KCNQ2: variants seen among roughly 807,000 people sequenced by gnomAD.
KCNQ2 encodes the protein potassium voltage-gated channel subfamily KQT member 2.
A neutral mutation model predicts 84.8 loss-of-function variants in KCNQ2; 14 were observed. That is an observed-to-expected ratio of 0.17 (90% CI 0.11 to 0.26). The LOEUF is 0.26. Among genes scored for constraint, KCNQ2 ranks in the 10% least tolerant of loss-of-function variants. The probability of loss-of-function intolerance (pLI) is 1.00; values close to 1 mark genes in which losing one functional copy is unlikely to be tolerated. For synonymous variants in KCNQ2, 599 were observed against 554.1 expected (o/e 1.08, Z -1.14); for missense variants, 788 against 1,254.0 (o/e 0.63, Z 5.61).
At chr20:63,454,328 CTTTTG>C (rs977662495) in intron 1 of KCNQ2, among the ~76,000 whole-genome samples, 21 of 152,306 alleles carry the variant, frequency 1.4e-4, no homozygotes, top group Non-Finnish European at 1.9e-4. Flanking sequence ...ACAGCTCCGA[CTTTTG>C]TTTTTTAAGT....
Position 63,472,575 on chromosome 20 carries a change from C to A in KCNQ2, c.-112G>T. ...CCGGCCGGGAGCCGCATGGCCGAGG[C>A]GGCGGTTCCGCACTCCTGCCGGGCT... On this transcript the variant is annotated 5_prime_UTR_variant, in exon 1 of 17. Transcript: ENST00000359125. 2 of 963,714 alleles carry A rather than the reference C, an allele frequency of 2.1e-6. No homozygotes were observed. The highest frequency in any genetic ancestry group is 1.3e-6 in the Non-Finnish European group (1 of 762,570). 59.7% of individuals were successfully genotyped at this position (963,714 alleles called of 1,614,324 possible).
In KCNQ2 at chr20:63,417,295, C is replaced by CT. The variant is rs573411334; in HGVS notation, c.1302-2170dup. On this transcript the variant is annotated intron_variant, in intron 12 of 16. Coordinates refer to ENST00000359125, the MANE Select transcript of KCNQ2 (RefSeq NM_172107.4). The stretch of plus-strand genomic sequence containing the variant: ...GGGACTCCTGGAATGTTCTCTCTTT[C>CT]TCCACCGCACGAGCCATTTCAAAGG... 1.2e-4 allele frequency among the ~76,000 whole-genome samples: 19 copies of CT among 152,336 alleles called. No individual in the cohort carries two copies. In the South Asian group the frequency reaches 3.9e-3, roughly 32 times the overall value.
chr20:63,408,637 G>C lies in KCNQ2; in HGVS notation c.1764-101C>G. 1.3e-6 allele frequency: 2 copies of C among 1,535,768 alleles called. No homozygotes were observed. The highest frequency in any genetic ancestry group is 2.4e-5 in the South Asian group (2 of 84,208). On this transcript the variant is annotated intron_variant, in intron 15 of 16. Coordinates refer to ENST00000359125, the MANE Select transcript of KCNQ2 (RefSeq NM_172107.4). The surrounding 1 kb of genome is among the most constrained non-coding windows in gnomAD (Gnocchi z 5.0). ...GCCACAGTGCCCCTGGGTCTAGGCT[G>C]CAGGCTCAGCCCAGAGCCGACCAGG...
chr20:63,452,865 G>A (rs887688225), intron 1 of KCNQ2, among the ~76,000 whole-genome samples: 3 of 151,288 alleles, frequency 2.0e-5, no homozygotes, highest in African/African-American at 7.3e-5. Flanking sequence ...AGGCCAGCCA[G>A]AATGCCTCAG....
At chr20:63,462,241 G>T (rs555842734) in intron 1 of KCNQ2, among the ~76,000 whole-genome samples, 10 of 145,288 alleles carry the variant, frequency 6.9e-5, no homozygotes, top group African/African-American at 2.6e-4. Context: ...CAGGCAGCAG[G>T]GAGGAGGCAG....
chr20:63,472,336 G>A lies in KCNQ2; in HGVS notation c.128C>T (p.Ala43Val), dbSNP rs749554385. Residue 43 changes from alanine to valine, a missense_variant, in exon 1 of 17, where the codon GCC (alanine) becomes GTC (valine). Around this residue, in one of 8 missense-constraint regions of KCNQ2, gnomAD observed 106 missense variants for 214.8 expected, o/e 0.49. Coordinates refer to ENST00000359125, the MANE Select transcript of KCNQ2 (RefSeq NM_172107.4). ...DSTRDGALLI[A>V]GSEAPKRGSI... ...GCCGCGCTTGGGGGCCTCGGAGCCGGCGATCAGCAGCGCCCCGTCCCGGGT... is the reference window on the plus strand; with the variant it reads ...GCCGCGCTTGGGGGCCTCGGAGCCGACGATCAGCAGCGCCCCGTCCCGGGT... 96 of 1,536,736 alleles carry A rather than the reference G, an allele frequency of 6.2e-5. No homozygotes were observed. In the South Asian group the frequency reaches 6.5e-4, roughly 10 times the overall value.
chr20:63,447,742 G>A (rs897491621), intron 1 of KCNQ2, among the ~76,000 whole-genome samples: 3 of 152,146 alleles, frequency 2.0e-5, no homozygotes, highest in Admixed American at 2.0e-4. Context: ...TTACAGGCAT[G>A]TGCCACCACA....
intron 15 of KCNQ2, chr20:63,411,138 G>A (rs1299287470): frequency 3.8e-5 from 15 of 396,380 alleles, no homozygotes; most frequent in East Asian, 1.5e-4. Context: ...AGCCAGCACC[G>A]GAGCTGCTGG....
In KCNQ2 at chr20:63,440,963, T is replaced by C. The variant is rs535807251; in HGVS notation, c.817-1255A>G. Among the ~76,000 whole-genome samples the C allele has an allele frequency of 8.1e-5, 12 of 148,876 alleles. No individual in the cohort carries two copies. The South Asian group carries it at 1.5e-3, about 19-fold the overall frequency. On this transcript the variant is annotated intron_variant, in intron 5 of 16. Coordinates refer to ENST00000359125, the MANE Select transcript of KCNQ2 (RefSeq NM_172107.4). ...TCGTTACCAAAGGAGGCGTGGTTTT[T>C]TGTTTGTTTGTTTGTTTGTTTTGAG...
intron 9 of KCNQ2, among the ~76,000 whole-genome samples, chr20:63,430,677 G>A (rs1459755015): frequency 1.3e-5 from 2 of 152,358 alleles, no homozygotes; most frequent in East Asian, 1.9e-4. Flanking sequence ...TGAACAAACA[G>A]CCTTGTTTCC....
At chr20:63,442,686 TCAC>T (rs1568933748) in intron 4 of KCNQ2, among the ~76,000 whole-genome samples, 155 bp from the exon 5 acceptor site, 1 of 17,128 alleles carries the variant, frequency 5.8e-5, no homozygotes, top group Non-Finnish European at 1.2e-4. Flanking sequence ...ACCACCACCA[TCAC>T]CATCACCACC....
chr20:63,421,941 G>A (rs575228681), intron 11 of KCNQ2, among the ~76,000 whole-genome samples: 342 of 152,236 alleles, frequency 2.2e-3, no homozygotes, highest in African/African-American at 7.5e-3. Context: ...TACGGGAACC[G>A]AGCCCCCGCC....
intron 1 of KCNQ2, among the ~76,000 whole-genome samples, chr20:63,469,973 C>A (rs1429022258): frequency 6.6e-6 from 1 of 152,244 alleles, no homozygotes. Context: ...ACAGAGGGCA[C>A]TGGGCCGGCC....
rs759338332 is a variant in KCNQ2 at position 63,414,951 on chromosome 20, G to A, written c.1477C>T (p.Arg493Cys). 10 of 1,612,554 alleles carry A rather than the reference G, an allele frequency of 6.2e-6. No homozygotes were observed. Among genetic ancestry groups the A allele is most frequent in the Admixed American group, 1.7e-5 (1 of 60,028 alleles). Residue 493 changes from arginine to cysteine, a missense_variant, in exon 13 of 17, where the codon CGC becomes TGC. This residue lies in a region of KCNQ2 where 202 missense variants were observed against 239.4 expected (regional missense o/e 0.84). Coordinates refer to ENST00000359125, the MANE Select transcript of KCNQ2 (RefSeq NM_172107.4). This position sits in a 1 kb window ranked among gnomAD's most constrained non-coding sequence, Gnocchi z 6.6. ...GCACCCTTGATGCGGAAAGCCTGGC[G>A]TGCCCGGCTGCGGTCCCCGAAGCTC... ...SWSFGDRSRARQAFRIKGAAS... is the reference protein window; with the variant it reads ...SWSFGDRSRACQAFRIKGAAS...
intron 1 of KCNQ2, among the ~76,000 whole-genome samples, chr20:63,466,188 A>G (rs2082076818): frequency 6.6e-6 from 1 of 152,164 alleles, no homozygotes; most frequent in Admixed American, 6.5e-5. Flanking sequence ...CCTTCGTTCC[A>G]AGTGAACAGC....
In KCNQ2 at chr20:63,444,794, G is replaced by C. The variant is rs182946332; in HGVS notation, c.555C>G (p.Ala185=). The C allele has an allele frequency of 1.9e-6, 3 of 1,607,806 alleles. No homozygotes were observed. Among genetic ancestry groups the C allele is most frequent in the South Asian group, 1.1e-5 (1 of 89,954 alleles). The stretch of plus-strand genomic sequence containing the variant: ...TGGCAAAGACGTTGCCCTGGGAGCC[G>C]GCGGCCAGCACCGCAATGGAGGCGA... ...VLIASIAVLA[A]GSQGNVFATS... Residue 185 remains alanine, a synonymous_variant, in exon 4 of 17, where the codon GCC becomes GCG. Coordinates refer to ENST00000359125, the MANE Select transcript of KCNQ2 (RefSeq NM_172107.4).
chr20:63,446,895 T>G lies in KCNQ2; in HGVS notation c.297-58A>C, dbSNP rs899134872. 6.8e-7 allele frequency: 1 copy of G among 1,477,036 alleles called. No homozygotes were observed. Among genetic ancestry groups the G allele is most frequent in the Non-Finnish European group, 9.5e-7 (1 of 1,056,382 alleles). The allele number at this position is 1,477,036 out of a possible 1,614,324, so 91.5% of individuals were successfully genotyped here. ...CCGCAGCAGGGCAGCAGCATGGCTG[T>G]GTCTCCAGAACTCAGGACCCCACTC... On this transcript the variant is annotated intron_variant, in intron 1 of 16. Coordinates refer to ENST00000359125, the MANE Select transcript of KCNQ2 (RefSeq NM_172107.4). The surrounding 1 kb of genome is among the most constrained non-coding windows in gnomAD (Gnocchi z 5.5).
At chr20:63,461,036 G>A (rs1331488113) in intron 1 of KCNQ2, 1 of 152,254 alleles carries the variant, frequency 6.6e-6, no homozygotes, top group Non-Finnish European at 1.5e-5. Flanking sequence ...GCACAGGCGG[G>A]CGCAGACACC....
chr20:63,417,227 G>A (rs936162114), intron 12 of KCNQ2, among the ~76,000 whole-genome samples: 6 of 152,158 alleles, frequency 3.9e-5, no homozygotes, highest in African/African-American at 1.4e-4. Context: ...TGGTCGGGGA[G>A]AACCGGACGG....
Sources: allele counts gnomAD v4.1 joint callset (sites outside exome capture counted in the v4.1 genomes callset), GRCh38; gene constraint gnomAD v4.1.1; regional missense constraint gnomAD v4.1.1; non-coding constraint Gnocchi (gnomAD v3.1); transcripts MANE v1.5; gene names NCBI Gene and HGNC (gene_info 2026-07-23, HGNC 2026-07-21).